GRIK4: variants seen among roughly 807,000 people sequenced by gnomAD.
GRIK4 encodes glutamate receptor ionotropic, kainate 4.
GRIK4 carries 40 observed loss-of-function variants against 104.9 expected under a neutral mutation model. The observed-to-expected ratio is 0.38, with a 90% CI of 0.30 to 0.50. GRIK4 has a LOEUF of 0.50. Ranked by LOEUF, GRIK4 falls within the 20% of genes least tolerant of loss-of-function variation. The pLI, the probability that GRIK4 is intolerant of heterozygous loss-of-function variation, is 0.93. For synonymous variants in GRIK4, 485 were observed against 524.9 expected (o/e 0.92, Z 1.04); for missense variants, 1,047 against 1,308.1 (o/e 0.80, Z 3.08).
intron 11 of GRIK4, among the ~76,000 whole-genome samples, chr11:120,893,200 ATAAT>A (rs1332314500): frequency 1.3e-5 from 2 of 152,244 alleles, no homozygotes; most frequent in Admixed American, 6.5e-5. Context: ...TTTTGAATAA[ATAAT>A]TAAACTCTCC....
rs112658944 is a variant in GRIK4 at position 120,878,451 on chromosome 11, A to T, written c.1164+3208A>T. On this transcript the variant is annotated intron_variant, in intron 11 of 20. Transcript: ENST00000527524. ...CCTCTTCACAGAGATTTTTTTCTTG[A>T]CCTCTCCACATCCTACCCCCATCTT... Among the ~76,000 whole-genome samples the T allele has an allele frequency of 2.6e-3, 399 of 151,950 alleles. 1 individual carries two copies. Among genetic ancestry groups the T allele is most frequent in the African/African-American group, 9.2e-3 (380 of 41,428 alleles).
intron 3 of GRIK4, among the ~76,000 whole-genome samples, chr11:120,747,557 A>G (rs1049413423): frequency 6.6e-6 from 1 of 152,202 alleles, no homozygotes; most frequent in African/African-American, 2.4e-5. Flanking sequence ...AAAAGCTTAG[A>G]CAGATAGCTA....
chr11:120,903,498 C>T lies in GRIK4; in HGVS notation c.1273-1792C>T, dbSNP rs1942795265. Among the ~76,000 whole-genome samples, 1 of 152,156 alleles carries T rather than the reference C, an allele frequency of 6.6e-6. No homozygotes were observed. The highest frequency in any genetic ancestry group is 2.4e-5 in the African/African-American group (1 of 41,438). On this transcript the variant is annotated intron_variant, in intron 12 of 20. Coordinates refer to ENST00000527524, the MANE Select transcript of GRIK4 (RefSeq NM_014619.5). This position sits in a 1 kb window ranked among gnomAD's most constrained non-coding sequence, Gnocchi z 4.4. ...ACTTCCTGGGCCCTTGCTCCACCAGCTAGCATGGTTCTTTCCTCCTCTTTT... is the reference window on the plus strand; with the variant it reads ...ACTTCCTGGGCCCTTGCTCCACCAGTTAGCATGGTTCTTTCCTCCTCTTTT...
chr11:120,798,854 C>T (rs1197129293), intron 3 of GRIK4, among the ~76,000 whole-genome samples: 1 of 152,224 alleles, frequency 6.6e-6, no homozygotes, highest in Non-Finnish European at 1.5e-5. Flanking sequence ...TTTTGTCCTA[C>T]AGACCCTATT....
chr11:120,964,272 G>A (rs945261884), intron 18 of GRIK4, among the ~76,000 whole-genome samples: 9 of 152,204 alleles, frequency 5.9e-5, no homozygotes, highest in South Asian at 2.1e-4. Flanking sequence ...GATTACAGGC[G>A]TGAGCCACCA....
At position 120,743,696 on chromosome 11, in the gene GRIK4, G is replaced by A. The variant is rs1399850275; in HGVS notation, c.83-58997G>A. ...CTGCCTGGGGTATTGTTGCAAAGAT[G>A]GTGTGTTGAAGGATTTGGCACAAAG... On this transcript the variant is annotated intron_variant, in intron 3 of 20. Coordinates refer to ENST00000527524, the MANE Select transcript of GRIK4 (RefSeq NM_014619.5). 2.6e-5 allele frequency among the ~76,000 whole-genome samples: 4 copies of A among 152,194 alleles called. No homozygotes were observed. In the East Asian group the frequency reaches 7.7e-4, roughly 29 times the overall value.
chr11:120,523,426 G>A (rs1437754916), intron 1 of GRIK4, among the ~76,000 whole-genome samples: 1 of 151,952 alleles, frequency 6.6e-6, no homozygotes, highest in East Asian at 1.9e-4. Flanking sequence ...GGAAGTGGGA[G>A]GGGGTATGTC....
chr11:120,928,992 C>CAT (rs1565445084), intron 13 of GRIK4, among the ~76,000 whole-genome samples: 2 of 147,588 alleles, frequency 1.4e-5, no homozygotes, highest in Non-Finnish European at 3.0e-5. Flanking sequence ...TGTGTGTGCG[C>CAT]GCGTGCACGC....
chr11:120,965,161 G>A (rs990641735), intron 18 of GRIK4, among the ~76,000 whole-genome samples: 3 of 152,196 alleles, frequency 2.0e-5, no homozygotes, highest in Non-Finnish European at 2.9e-5. Flanking sequence ...AAAATTAAGC[G>A]AGACAGAACA....
Position 120,967,081 on chromosome 11 carries a change from C to A in GRIK4, c.2267-114C>A. 1 of 1,206,224 alleles carries A rather than the reference C, an allele frequency of 8.3e-7. No individual in the cohort carries two copies. Among genetic ancestry groups the A allele is most frequent in the South Asian group, 1.5e-5 (1 of 67,490 alleles). 74.7% of individuals were successfully genotyped at this position (1,206,224 alleles called of 1,614,324 possible). A position where few individuals can be genotyped will look rare whatever the true frequency, so the allele number is the denominator to read the frequency against. The stretch of plus-strand genomic sequence containing the variant: ...CCCACCCGCTGCATCTGTCTGTCCC[C>A]TCTCGAGGTGAAAGCAGGCAGGGTG... On this transcript the variant is annotated intron_variant, in intron 18 of 20. Transcript: ENST00000527524. This position sits in a 1 kb window ranked among gnomAD's most constrained non-coding sequence, Gnocchi z 4.2.
At chr11:120,632,031 C>T (rs943003909) in intron 1 of GRIK4, among the ~76,000 whole-genome samples, 2 of 152,168 alleles carry the variant, frequency 1.3e-5, no homozygotes, top group African/African-American at 4.8e-5. Flanking sequence ...TGGCAGTACC[C>T]ACTGCTGTGG....
At chr11:120,750,999 G>A (rs1374269608) in intron 3 of GRIK4, among the ~76,000 whole-genome samples, 2 of 152,308 alleles carry the variant, frequency 1.3e-5, no homozygotes, top group African/African-American at 2.4e-5. Flanking sequence ...CTTTTGCAAC[G>A]TGAAAGTTAA....
intron 11 of GRIK4, among the ~76,000 whole-genome samples, chr11:120,878,154 A>G (rs963779320): frequency 2.6e-5 from 4 of 152,190 alleles, no homozygotes; most frequent in African/African-American, 7.2e-5. Context: ...GGCATCCTCC[A>G]CAGCGGCTGC....
chr11:120,517,790 A>G (rs1947749177), intron 1 of GRIK4, among the ~76,000 whole-genome samples: 1 of 152,126 alleles, frequency 6.6e-6, no homozygotes, highest in Non-Finnish European at 1.5e-5. Context: ...GCCGGCCCCT[A>G]GCACAGAGGA....
At chr11:120,708,026 T>G (rs1225234172) in intron 3 of GRIK4, among the ~76,000 whole-genome samples, 2 of 152,202 alleles carry the variant, frequency 1.3e-5, no homozygotes, top group African/African-American at 2.4e-5. Flanking sequence ...GGATCATAGA[T>G]GCCACCTCTT....
In GRIK4 at chr11:120,982,112, G is replaced by A; in HGVS notation, c.2402G>A (p.Gly801Glu). Residue 801 changes from glycine to glutamate, a missense_variant, in exon 20 of 21, where the codon GGA becomes GAA. By Grantham distance (98) the Gly-to-Glu change is moderately conservative. This residue lies in a region of GRIK4 where 440 missense variants were observed against 652.3 expected (regional missense o/e 0.67). Coordinates refer to ENST00000527524, the MANE Select transcript of GRIK4 (RefSeq NM_014619.5). ...KEEDHRAKGLGMENIGGIFVV... is the reference protein window; with the variant it reads ...KEEDHRAKGLEMENIGGIFVV... ...TGTTATCACTTTCTTACAGGCCTGG[G>A]AATGGAGAATATTGGTGGAATCTTT... The A allele has an allele frequency of 6.3e-7, 1 of 1,590,324 alleles. No individual in the cohort carries two copies. The highest frequency in any genetic ancestry group is 8.6e-7 in the Non-Finnish European group (1 of 1,158,300).
At chr11:120,705,108 T>A (rs1287211293) in intron 3 of GRIK4, among the ~76,000 whole-genome samples, 1 of 152,232 alleles carries the variant, frequency 6.6e-6, no homozygotes, top group Non-Finnish European at 1.5e-5. Context: ...TGTAGTTAGT[T>A]TTGAAATCAG....
intron 12 of GRIK4, among the ~76,000 whole-genome samples, chr11:120,900,850 A>C (rs1172832041): frequency 1.3e-5 from 2 of 152,210 alleles, no homozygotes; most frequent in African/African-American, 4.8e-5. Flanking sequence ...TGAAAATGCC[A>C]GAAAGATGAG....
chr11:120,562,309 TTGTGAAATAATGACG>T (rs1163477356), intron 1 of GRIK4, among the ~76,000 whole-genome samples: 1 of 152,186 alleles, frequency 6.6e-6, no homozygotes, highest in African/African-American at 2.4e-5. Context: ...AAGGCAATGA[TTGTGAAATAATGACG>T]TGTGAAAAAG....
Sources: gnomAD v4.1 joint callset for allele counts (sites outside exome capture counted in the v4.1 genomes callset) on GRCh38, gnomAD v4.1.1 for gene constraint, gnomAD v4.1.1 regional missense constraint, Gnocchi (gnomAD v3.1) non-coding constraint, MANE v1.5 for transcripts, NCBI Gene and HGNC (gene_info 2026-07-23, HGNC 2026-07-21) for gene names.